The following ZPBP variants were observed in gnomAD, a reference collection of about 807,000 sequenced individuals.
The protein encoded by ZPBP is zona pellucida-binding protein 1.
In ZPBP, 26 loss-of-function variants were observed where a neutral mutation model predicts 44.8. That is an observed-to-expected ratio of 0.58 (90% CI 0.43 to 0.81). ZPBP has a LOEUF of 0.81. ZPBP is among the 30% of genes least tolerant of loss of function. The pLI, the probability that ZPBP is intolerant of heterozygous loss-of-function variation, is 0.00. For synonymous variants in ZPBP, 174 were observed against 153.2 expected (o/e 1.14, Z -1.00); for missense variants, 409 against 434.0 (o/e 0.94, Z 0.51).
At chr7:49,869,330 G>T (rs545118663) in intron 2 of ZPBP, among the ~76,000 whole-genome samples, 4 of 152,272 alleles carry the variant, frequency 2.6e-5, no homozygotes, top group African/African-American at 9.6e-5. Context: ...GAATATTAGA[G>T]GAAGTAATAC....
At chr7:50,066,781 C>T (rs73695156) in intron 3 of ZPBP, among the ~76,000 whole-genome samples, 2 of 152,206 alleles carry the variant, frequency 1.3e-5, no homozygotes, top group Non-Finnish European at 2.9e-5. Flanking sequence ...GCAGGATCCT[C>T]AAGCTTCAGC....
intron 1 of ZPBP, among the ~76,000 whole-genome samples, chr7:49,925,687 CA>C (rs1794209719): frequency 6.6e-6 from 1 of 152,260 alleles, no homozygotes; most frequent in South Asian, 2.1e-4. Flanking sequence ...CATCCATCCA[CA>C]GGCCTCTGCC....
chr7:49,916,768 C>CA, intron 1 of ZPBP: 1 of 152,166 alleles, frequency 6.6e-6, no homozygotes, highest in Non-Finnish European at 1.5e-5. Flanking sequence ...GTTTGCCAAC[C>CA]CAGTTGTCTT....
At chr7:49,843,385 C>G in the ZPBP span, among the ~76,000 whole-genome samples, 1 of 152,210 alleles carries the variant, frequency 6.6e-6, no homozygotes, top group African/African-American at 2.4e-5. Flanking sequence ...CTCAGTGAGG[C>G]CCATGGACGT....
chr7:49,842,732 T>C, the ZPBP span, among the ~76,000 whole-genome samples: 105 of 152,214 alleles, frequency 6.9e-4, no homozygotes, highest in Non-Finnish European at 1.4e-3. Flanking sequence ...TCCCTGGAGA[T>C]GCTGAAATAG....
chr7:50,027,198 C>T (rs1176623552), intron 5 of ZPBP, among the ~76,000 whole-genome samples: 1 of 151,964 alleles, frequency 6.6e-6, no homozygotes, highest in East Asian at 1.9e-4. Context: ...CATATCTTCC[C>T]AAATTGCAAG....
chr7:50,068,533 A>C (rs1801652361), intron 3 of ZPBP, among the ~76,000 whole-genome samples: 1 of 151,894 alleles, frequency 6.6e-6, no homozygotes, highest in African/African-American at 2.4e-5. Flanking sequence ...CCGGCTTTCA[A>C]ACTCCTGTCC....
chr7:50,018,137 T>C (rs974855744), intron 6 of ZPBP, 103 bp downstream of exon 6: 3 of 826,094 alleles, frequency 3.6e-6, no homozygotes, highest in Admixed American at 3.8e-5. Flanking sequence ...AATCCTTAAC[T>C]GTGGGGATTC....
At chr7:50,027,294 G>T (rs1323597350) in intron 5 of ZPBP, among the ~76,000 whole-genome samples, 1 of 151,818 alleles carries the variant, frequency 6.6e-6, no homozygotes, top group Non-Finnish European at 1.5e-5. Flanking sequence ...ACAAAAGAAA[G>T]AAATCAGAAA....
intron 1 of ZPBP, among the ~76,000 whole-genome samples, chr7:49,931,986 T>A (rs1406349646): frequency 6.6e-6 from 1 of 152,212 alleles, no homozygotes; most frequent in East Asian, 1.9e-4. Context: ...TAAATTTACA[T>A]GTGGTATTGG....
chr7:49,979,545 ATTGTG>A (rs1796681407), intron 7 of ZPBP, among the ~76,000 whole-genome samples: 1 of 151,782 alleles, frequency 6.6e-6, no homozygotes, highest in African/African-American at 2.4e-5. Flanking sequence ...AAACATTACA[ATTGTG>A]TTGTTACCCA....
chr7:49,966,092 T>C (rs1418341069), intron 7 of ZPBP, among the ~76,000 whole-genome samples: 3 of 152,104 alleles, frequency 2.0e-5, no homozygotes, highest in Admixed American at 2.0e-4. Context: ...ACCATTTATA[T>C]ACTTAATAAC....
chr7:49,923,668 A>G (rs1216171525), intron 1 of ZPBP, among the ~76,000 whole-genome samples: 2 of 151,508 alleles, frequency 1.3e-5, no homozygotes, highest in Middle Eastern at 3.2e-3. Flanking sequence ...CACATTTGCC[A>G]TTTTCTTGTT....
downstream of ZPBP, chr7:49,850,372 G>C (rs1451350222): frequency 6.6e-6 from 1 of 152,178 alleles, no homozygotes; most frequent in Non-Finnish European, 1.5e-5. Flanking sequence ...AACAAAACTG[G>C]CCAGTGCCAT....
chr7:49,993,889 T>A (rs982440755), intron 6 of ZPBP, among the ~76,000 whole-genome samples: 1 of 152,144 alleles, frequency 6.6e-6, no homozygotes, highest in Non-Finnish European at 1.5e-5. Context: ...AGGCTGATAG[T>A]ATCCACAAAA....
In ZPBP at chr7:50,031,133, T is replaced by C; in HGVS notation, c.665A>G (p.Gln222Arg). The C allele has an allele frequency of 6.2e-7, 1 of 1,613,832 alleles. No individual in the cohort carries two copies. The highest frequency in any genetic ancestry group is 1.1e-5 in the South Asian group (1 of 91,068). ...LKSECHRVKM[Q>R]RAGLQNELFF... ...CAATTCATTTTGCAAACCAGCTCTT[T>C]GCATTTTAACGCGATGGCATTCAGA... is the stretch of plus-strand genomic sequence containing the variant. The change falls in exon 5 of 8, where the codon CAA (glutamine) becomes CGA (arginine). Residue 222 changes from glutamine to arginine, a missense_variant. This residue lies in a region of ZPBP where 367 missense variants were observed against 363.1 expected (regional missense o/e 1.01). Transcript: ENST00000046087.
chr7:50,072,981 T>C (rs1480869580), intron 3 of ZPBP, among the ~76,000 whole-genome samples: 4 of 152,050 alleles, frequency 2.6e-5, no homozygotes, highest in East Asian at 3.9e-4. Context: ...CTACAATGAA[T>C]ACTTAGCTCT....
At chr7:50,001,667 A>C (rs979431150) in intron 6 of ZPBP, among the ~76,000 whole-genome samples, 5 of 152,164 alleles carry the variant, frequency 3.3e-5, no homozygotes, top group Non-Finnish European at 7.4e-5. Flanking sequence ...TCCATTCCTA[A>C]AGAGCACAAA....
At chr7:49,902,554 C>CAAA (rs34786165) in intron 1 of ZPBP, among the ~76,000 whole-genome samples, 1 of 106,680 alleles carries the variant, frequency 9.4e-6, no homozygotes. Flanking sequence ...TATCCGTAGC[C>CAAA]AAAAAAAAAA....
Sources: gnomAD v4.1 joint callset for allele counts (sites outside exome capture counted in the v4.1 genomes callset) on GRCh38, gnomAD v4.1.1 for gene constraint, gnomAD v4.1.1 regional missense constraint, MANE v1.5 for transcripts, NCBI Gene and HGNC (gene_info 2026-07-23, HGNC 2026-07-21) for gene names.